MAP3K1: variants seen among roughly 807,000 people sequenced by gnomAD.
MAP3K1 encodes mitogen-activated protein kinase kinase kinase 1, also known as MAP/ERK kinase kinase 1.
Under a neutral mutation model 144.2 loss-of-function variants are expected in MAP3K1, and 36 were observed. That is an observed-to-expected ratio of 0.25 (90% CI 0.19 to 0.33). MAP3K1 has a LOEUF of 0.33. Among genes scored for constraint, MAP3K1 ranks in the 10% least tolerant of loss-of-function variants. The probability of loss-of-function intolerance (pLI) is 1.00; values close to 1 mark genes in which losing one functional copy is unlikely to be tolerated. For missense variants in MAP3K1, 1,650 were observed against 1,881.9 expected (o/e 0.88, Z 2.28); for synonymous variants, 718 against 688.7 (o/e 1.04, Z -0.67).
At chr5:56,854,449 AAG>A (rs1554033112) in intron 1 of MAP3K1, among the ~76,000 whole-genome samples, 108 of 147,284 alleles carry the variant, frequency 7.3e-4, no homozygotes, top group Non-Finnish European at 1.2e-3. Flanking sequence ...AAAAAAAAAA[AAG>A]AAAGAAAAAA....
intron 1 of MAP3K1, among the ~76,000 whole-genome samples, chr5:56,850,526 C>T (rs998542413): frequency 6.6e-6 from 1 of 152,150 alleles, no homozygotes; most frequent in East Asian, 1.9e-4. Flanking sequence ...TAAAAACTTA[C>T]AAAACTTGTT....
rs148590971 is a variant in MAP3K1, at chr5:56,833,224, C to T, written c.482+17169C>T. Among the ~76,000 whole-genome samples, 11 of 152,300 alleles carry T rather than the reference C, an allele frequency of 7.2e-5. No individual in the cohort carries two copies. In the East Asian group the frequency reaches 1.9e-3, roughly 27 times the overall value. On this transcript the variant is annotated intron_variant, in intron 1 of 19. Transcript: ENST00000399503. ...TCTAAAATAAAGCAAGTTATAAACACAAATACATTTAAATTTCAGTGTTTT... is the reference window on the plus strand; with the variant it reads ...TCTAAAATAAAGCAAGTTATAAACATAAATACATTTAAATTTCAGTGTTTT...
chr5:56,843,994 TC>T (rs1244056563), intron 1 of MAP3K1, among the ~76,000 whole-genome samples: 3 of 152,172 alleles, frequency 2.0e-5, no homozygotes, highest in East Asian at 1.9e-4. Context: ...TAAAAGGACT[TC>T]CATGGCAAGT....
chr5:56,889,837 G>C (rs942925559), intron 19 of MAP3K1, among the ~76,000 whole-genome samples: 1 of 152,056 alleles, frequency 6.6e-6, no homozygotes, highest in East Asian at 1.9e-4. Context: ...AGCCCACACA[G>C]TCAGCTCCAC....
intron 11 of MAP3K1, 56 bp from the exon 12 acceptor site, chr5:56,880,655 T>C (rs576972809): frequency 1.1e-5 from 13 of 1,146,196 alleles, no homozygotes; most frequent in Middle Eastern, 3.9e-4. Flanking sequence ...TCCTCTAATA[T>C]TGTATAGTGT....
intron 19 of MAP3K1, among the ~76,000 whole-genome samples, chr5:56,890,265 A>G (rs891363194): frequency 6.6e-6 from 1 of 152,152 alleles, no homozygotes; most frequent in Non-Finnish European, 1.5e-5. Context: ...TTATTTTAAG[A>G]GTTTTGATGA....
chr5:56,888,974 T>C (rs539392563), intron 19 of MAP3K1, among the ~76,000 whole-genome samples: 41 of 152,334 alleles, frequency 2.7e-4, no homozygotes, highest in Admixed American at 5.2e-4. Flanking sequence ...GAGGTAGTTA[T>C]GCTCTGTTAA....
rs190222382 is a variant in MAP3K1 at position 56,842,943 on chromosome 5, C to T, written c.483-13657C>T. On this transcript the variant is annotated intron_variant, in intron 1 of 19. Transcript: ENST00000399503. ...TCGCTCCAGAACTCATGCCCCTGAT[C>T]GCTGTGCCATACTTCTTCTGTATGT... Among the ~76,000 whole-genome samples the T allele has an allele frequency of 4.6e-5, 7 of 152,248 alleles. No homozygotes were observed. In the East Asian group the frequency reaches 1.2e-3, roughly 25 times the overall value.
chr5:56,879,099 T>C lies in MAP3K1; in HGVS notation c.2085T>C (p.Asn695=), dbSNP rs1163254626. 1 of 1,613,752 alleles carries C rather than the reference T, an allele frequency of 6.2e-7. No individual in the cohort carries two copies. ...DTILVKCADA[N]SRTSQLSIST... is the part of the protein sequence containing the mutation. The stretch of plus-strand genomic sequence containing the variant: ...TCCTAGTCAAATGTGCAGATGCCAA[T>C]AGGTAAGGCTTTATTGATGAATCAC... The change falls in exon 11 of 20, where the codon AAT becomes AAC. Residue 695 remains asparagine (N), a splice_region_variant and synonymous_variant. Transcript: ENST00000399503.
At position 56,866,435 on chromosome 5, in the gene MAP3K1, CTGTA is replaced by C. The variant is rs559847404; in HGVS notation, c.1301+474_1301+477del. Among the ~76,000 whole-genome samples, 1,452 of 151,576 alleles carry C rather than the reference CTGTA, an allele frequency of 9.6e-3. 8 individuals are homozygous for C. Among genetic ancestry groups the C allele is most frequent in the Middle Eastern group, 0.044 (13 of 294 alleles). ...TGTGGGTGTGTGTATGTATGTATGTCTGTATGTATGTATGTATGTTAAAGGTCAT... is the reference window on the plus strand; with the variant it reads ...TGTGGGTGTGTGTATGTATGTATGTCTGTATGTATGTATGTTAAAGGTCAT... On this transcript the variant is annotated intron_variant, in intron 6 of 19. Transcript: ENST00000399503.
chr5:56,886,120 G>A (rs1748371111), intron 17 of MAP3K1, 57 bp downstream of exon 17: 17 of 1,459,702 alleles, frequency 1.2e-5, no homozygotes, highest in Non-Finnish European at 1.6e-5. Context: ...TTTAAAATTT[G>A]GGGCCAGGCA....
intron 1 of MAP3K1, among the ~76,000 whole-genome samples, chr5:56,828,668 G>A (rs1746390495): frequency 6.6e-6 from 1 of 152,170 alleles, no homozygotes; most frequent in South Asian, 2.1e-4. Flanking sequence ...AAAGTCATTA[G>A]CATGTTTGTG....
Position 56,881,815 on chromosome 5 carries a change from G to T in MAP3K1, c.2615G>T (p.Gly872Val), listed in dbSNP as rs766195624. The T allele has an allele frequency of 5.6e-6, 9 of 1,614,020 alleles. No homozygotes were observed. In the Admixed American group the frequency reaches 6.7e-5, roughly 12 times the overall value. The stretch of plus-strand genomic sequence containing the variant: ...GAAATTGCCGAAGCCATCCAGTTGG[G>T]CGTAGAAGACACTTTGGATGGTCAA... ...EVEIAEAIQL[G>V]VEDTLDGQQD... Residue 872 changes from glycine to valine, a missense_variant, in exon 14 of 20, where the codon GGC becomes GTC. Gly to Val is a moderately radical substitution (Grantham distance 109). Coordinates refer to ENST00000399503, the MANE Select transcript of MAP3K1 (RefSeq NM_005921.2).
intron 1 of MAP3K1, among the ~76,000 whole-genome samples, chr5:56,839,762 G>A (rs1746756453): frequency 6.6e-6 from 1 of 152,200 alleles, no homozygotes; most frequent in East Asian, 1.9e-4. Flanking sequence ...GACCCAGACT[G>A]AGAGAATGTG....
At chr5:56,852,900 C>G (rs1215203098) in intron 1 of MAP3K1, among the ~76,000 whole-genome samples, 2 of 152,092 alleles carry the variant, frequency 1.3e-5, no homozygotes, top group Non-Finnish European at 2.9e-5. Context: ...TATATACATA[C>G]ATACATACAC....
intron 1 of MAP3K1, among the ~76,000 whole-genome samples, chr5:56,837,894 G>C (rs1489258390): frequency 1.3e-5 from 2 of 152,182 alleles, no homozygotes; most frequent in Admixed American, 1.3e-4. Flanking sequence ...GTGGCCAGTG[G>C]GGGAGGCTGA....
intron 7 of MAP3K1, 35 bp downstream of exon 7, chr5:56,872,066 C>T: frequency 6.2e-7 from 1 of 1,613,416 alleles, no homozygotes; most frequent in Non-Finnish European, 8.5e-7. Context: ...GCTTACTCAA[C>T]ACAGTTGCTC....
chr5:56,890,458 C>G (rs750176823), intron 19 of MAP3K1, among the ~76,000 whole-genome samples: 5 of 152,176 alleles, frequency 3.3e-5, no homozygotes, highest in Non-Finnish European at 5.9e-5. Flanking sequence ...TCAAACACTT[C>G]CATACCCTGT....
intron 5 of MAP3K1, 84 bp downstream of exon 5, chr5:56,865,540 G>A: frequency 4.8e-6 from 4 of 829,728 alleles, no homozygotes; most frequent in Admixed American, 3.8e-5. Flanking sequence ...CTAAATTTAG[G>A]CAGTGACCAT....
Sources: gnomAD v4.1 joint callset for allele counts (sites outside exome capture counted in the v4.1 genomes callset) on GRCh38, gnomAD v4.1.1 for gene constraint, MANE v1.5 for transcripts, NCBI Gene and HGNC (gene_info 2026-07-23, HGNC 2026-07-21) for gene names.